The following CTNNA2 variants were observed in gnomAD, a reference collection of about 807,000 sequenced individuals.
CTNNA2 encodes the protein catenin alpha 2, also known as catenin alpha-2.
CTNNA2 carries 42 observed loss-of-function variants against 101.0 expected under a neutral mutation model. That is an observed-to-expected ratio of 0.42 (90% CI 0.32 to 0.54). The LOEUF is 0.54. CTNNA2 is among the 20% of genes least tolerant of loss of function. The pLI, the probability that CTNNA2 is intolerant of heterozygous loss-of-function variation, is 0.14. For missense variants in CTNNA2, 871 were observed against 1,223.1 expected (o/e 0.71, Z 4.29); for synonymous variants, 450 against 456.4 (o/e 0.99, Z 0.18).
intron 8 of CTNNA2, among the ~76,000 whole-genome samples, chr2:80,410,567 G>A (rs1380313543): frequency 6.6e-6 from 1 of 152,188 alleles, no homozygotes; most frequent in Non-Finnish European, 1.5e-5. Context: ...TGCCCTGGTT[G>A]ATTGATAGCT....
chr2:79,891,389 A>T (rs1313352511), intron 6 of CTNNA2, among the ~76,000 whole-genome samples: 1 of 152,220 alleles, frequency 6.6e-6, no homozygotes, highest in East Asian at 1.9e-4. Context: ...CAAAGATTTT[A>T]AGATCCTACA....
chr2:79,841,086 G>T (rs1174703931), intron 3 of CTNNA2, among the ~76,000 whole-genome samples: 3 of 152,100 alleles, frequency 2.0e-5, no homozygotes, highest in Non-Finnish European at 4.4e-5. Context: ...CCTCTCTTAT[G>T]TATGTATCTA....
chr2:80,351,643 GT>G (rs1673306089), intron 7 of CTNNA2, among the ~76,000 whole-genome samples: 1 of 152,110 alleles, frequency 6.6e-6, no homozygotes, highest in Non-Finnish European at 1.5e-5. Context: ...TGCATGGGGG[GT>G]AAGCAGAGGG....
intron 2 of CTNNA2, among the ~76,000 whole-genome samples, chr2:79,659,997 A>C (rs948946121): frequency 6.6e-6 from 1 of 152,150 alleles, no homozygotes; most frequent in African/African-American, 2.4e-5. Context: ...CATCTCTAAA[A>C]AGAATAATAA....
rs569703078 is a variant in CTNNA2 at position 79,195,354 on chromosome 2, T to C, written c.-523-2605T>C. Among the ~76,000 whole-genome samples, 11 of 152,314 alleles carry C rather than the reference T, an allele frequency of 7.2e-5. No individual in the cohort carries two copies. The South Asian group carries it at 1.9e-3, about 26-fold the overall frequency. ...TAAAAGAGACTTCCCTTCTTCCTTC[T>C]GGGTAGCAGCAACATATCATTCCTG... On this transcript the variant is annotated intron_variant, in intron 1 of 21. Coordinates refer to the CTNNA2 transcript ENST00000466387.
intron 1 of CTNNA2, among the ~76,000 whole-genome samples, chr2:79,520,645 A>T (rs1027112165): frequency 9.2e-5 from 14 of 152,226 alleles, no homozygotes; most frequent in African/African-American, 3.4e-4. Context: ...CAGTAAGAAG[A>T]CAGGCAATCC....
intron 7 of CTNNA2, among the ~76,000 whole-genome samples, chr2:80,120,803 G>A (rs1451138506): frequency 1.3e-5 from 2 of 152,114 alleles, no homozygotes; most frequent in Non-Finnish European, 2.9e-5. Context: ...TATTTAATCT[G>A]ATTGCAGTTG....
chr2:80,257,705 C>A (rs1427405437), intron 7 of CTNNA2, among the ~76,000 whole-genome samples: 2 of 152,192 alleles, frequency 1.3e-5, no homozygotes, highest in African/African-American at 4.8e-5. Context: ...TGATTATTTT[C>A]TCCTCAAGCA....
intron 4 of CTNNA2, among the ~76,000 whole-genome samples, chr2:79,859,173 C>T (rs1396634442): frequency 6.6e-6 from 1 of 152,030 alleles, no homozygotes; most frequent in Non-Finnish European, 1.5e-5. Flanking sequence ...CAACCAATTG[C>T]TCGCTTGGTT....
chr2:79,329,001 G>A (rs1392294888), intron 3 of CTNNA2, among the ~76,000 whole-genome samples: 1 of 152,146 alleles, frequency 6.6e-6, no homozygotes, highest in Non-Finnish European at 1.5e-5. Flanking sequence ...CTGTGTCTAT[G>A]TGTCCAAACT....
chr2:79,639,446 A>G (rs1430454799), intron 1 of CTNNA2, among the ~76,000 whole-genome samples: 1 of 152,218 alleles, frequency 6.6e-6, no homozygotes, highest in Non-Finnish European at 1.5e-5. Context: ...AAGGCTTTCA[A>G]GGAAATAATT....
rs139095505 is a variant in CTNNA2, at chr2:80,100,398, G to T, written c.1056+190601G>T. On this transcript the variant is annotated intron_variant, in intron 7 of 18. Coordinates refer to ENST00000402739, the MANE Select transcript of CTNNA2 (RefSeq NM_001282597.3). ...TTTCTAAGGTTTAAATTCCTCACCA[G>T]TAGTTTTAGTAGCCTTGATAATCTT... is the stretch of plus-strand genomic sequence containing the variant. Among the ~76,000 whole-genome samples, 16 of 152,310 alleles carry T rather than the reference G, an allele frequency of 1.1e-4. No homozygotes were observed. In the South Asian group the frequency reaches 1.2e-3, roughly 12 times the overall value.
At chr2:80,621,179 C>T (rs1054970070) in intron 18 of CTNNA2, among the ~76,000 whole-genome samples, 3 of 151,760 alleles carry the variant, frequency 2.0e-5, no homozygotes, top group Non-Finnish European at 4.4e-5. Context: ...TTTTTCTCAT[C>T]TGTAAAATGA....
intron 1 of CTNNA2, among the ~76,000 whole-genome samples, chr2:79,624,981 G>A (rs557993762): frequency 2.6e-5 from 4 of 152,230 alleles, no homozygotes; most frequent in East Asian, 1.9e-4. Context: ...GTGATACTGC[G>A]TTGAGAGCAT....
intron 18 of CTNNA2, among the ~76,000 whole-genome samples, chr2:80,632,059 A>C (rs1309418910): frequency 6.6e-6 from 1 of 152,166 alleles, no homozygotes; most frequent in Non-Finnish European, 1.5e-5. Flanking sequence ...ACTGATAAAT[A>C]ATTGATGTTC....
At chr2:79,530,582 ATGT>A (rs958566899) in intron 1 of CTNNA2, among the ~76,000 whole-genome samples, 5 of 152,080 alleles carry the variant, frequency 3.3e-5, no homozygotes, top group South Asian at 2.1e-4. Context: ...AGATCATAAA[ATGT>A]TGTTGCATAG....
At chr2:80,189,664 A>G (rs1381667464) in intron 7 of CTNNA2, among the ~76,000 whole-genome samples, 1 of 152,160 alleles carries the variant, frequency 6.6e-6, no homozygotes, top group Non-Finnish European at 1.5e-5. Context: ...ACAGACTTCC[A>G]GGCCCATGCC....
chr2:79,649,258 T>C (rs984550516), intron 1 of CTNNA2: 8 of 154,748 alleles, frequency 5.2e-5, no homozygotes, highest in African/African-American at 1.4e-4. Context: ...TATCAGCGTA[T>C]GTCTACAAGC....
intron 9 of CTNNA2, among the ~76,000 whole-genome samples, chr2:80,491,203 A>C (rs1559153057): frequency 6.6e-6 from 1 of 152,184 alleles, no homozygotes; most frequent in African/African-American, 2.4e-5. Flanking sequence ...ATTGTTTATC[A>C]GTCCCAGTTT....
Sources: gnomAD v4.1 joint callset for allele counts (sites outside exome capture counted in the v4.1 genomes callset) on GRCh38, gnomAD v4.1.1 for gene constraint, MANE v1.5 for transcripts, NCBI Gene and HGNC (gene_info 2026-07-23, HGNC 2026-07-21) for gene names.